The following LMNB1 variants were observed in gnomAD, a reference collection of about 807,000 sequenced individuals.
The protein encoded by LMNB1 is lamin B1, also known as lamin-B1.
A neutral mutation model predicts 67.1 loss-of-function variants in LMNB1; 23 were observed. The ratio of observed to expected loss-of-function variants is 0.34; its 90% CI spans 0.25 to 0.49. The LOEUF (loss-of-function observed/expected upper bound fraction) is 0.49. LMNB1 is among the 20% of genes least tolerant of loss of function. The probability of loss-of-function intolerance (pLI) is 0.99; values close to 1 mark genes in which losing one functional copy is unlikely to be tolerated. For missense variants in LMNB1, 634 were observed against 746.5 expected, an observed-to-expected ratio of 0.85 and a Z score of 1.76; for synonymous variants, 281 against 282.9, an observed-to-expected ratio of 0.99 and a Z score of 0.07.
At position 126,805,555 on chromosome 5, in the gene LMNB1, T is replaced by C. The variant is rs1253119768; in HGVS notation, c.517-16T>C. The C allele has an allele frequency of 8.3e-6, 13 of 1,567,208 alleles. No homozygotes were observed. In the Admixed American group the frequency reaches 2.3e-4, roughly 28 times the overall value. ...TGCCATGTAATTTTTATCACAATTC[T>C]TTTTCCTTGTAATAGTTGGAAGCCT... On this transcript the variant is annotated splice_polypyrimidine_tract_variant and intron_variant, in intron 2 of 10. Coordinates refer to ENST00000261366, the MANE Select transcript of LMNB1 (RefSeq NM_005573.4).
chr5:126,828,981 C>T (rs766434532), intron 9 of LMNB1, among the ~76,000 whole-genome samples: 3 of 152,052 alleles, frequency 2.0e-5, no homozygotes, highest in Non-Finnish European at 2.9e-5. Context: ...TTTCACTAGA[C>T]AGTTACTTTT....
chr5:126,800,333 A>T (rs1010546981), intron 1 of LMNB1, among the ~76,000 whole-genome samples: 1 of 152,160 alleles, frequency 6.6e-6, no homozygotes, highest in African/African-American at 2.4e-5. Context: ...TTTTTCTGCT[A>T]GGAGAGGTAA....
At chr5:126,819,459 ATTATTTATTTATTTAT>A (rs60317211) in intron 6 of LMNB1, among the ~76,000 whole-genome samples, 547 of 142,860 alleles carry the variant, frequency 3.8e-3, no homozygotes, top group Non-Finnish European at 5.0e-3. Context: ...GACTTTACAT[ATTATTTATTTATTTAT>A]TTATTTATTT....
chr5:126,833,394 G>C (rs1001980081), intron 10 of LMNB1, among the ~76,000 whole-genome samples: 1 of 152,174 alleles, frequency 6.6e-6, no homozygotes, highest in Admixed American at 6.5e-5. Context: ...GTTTGAGTCC[G>C]ATCATTAATC....
At chr5:126,806,263 T>G (rs934127605) in intron 3 of LMNB1, among the ~76,000 whole-genome samples, 2 of 152,256 alleles carry the variant, frequency 1.3e-5, no homozygotes, top group Non-Finnish European at 2.9e-5. Context: ...TCACTTCATC[T>G]TAACTTATAA....
chr5:126,802,036 TG>T (rs946125519), intron 1 of LMNB1, among the ~76,000 whole-genome samples: 2 of 152,232 alleles, frequency 1.3e-5, no homozygotes, highest in Non-Finnish European at 2.9e-5. Flanking sequence ...ACCCAGCACT[TG>T]TGTGAACTAG....
chr5:126,784,796 A>G (rs1055899368), intron 1 of LMNB1, among the ~76,000 whole-genome samples: 5 of 150,522 alleles, frequency 3.3e-5, no homozygotes, highest in South Asian at 2.1e-4. Context: ...AGTAACTGGA[A>G]CTACAGGCGC....
At chr5:126,780,164 C>G (rs1750589470) in intron 1 of LMNB1, among the ~76,000 whole-genome samples, 1 of 152,040 alleles carries the variant, frequency 6.6e-6, no homozygotes, top group Non-Finnish European at 1.5e-5. Context: ...GCACTCCAGC[C>G]TGGGTGACAG....
chr5:126,814,663 T>C (rs1472646653), intron 5 of LMNB1, among the ~76,000 whole-genome samples: 3 of 152,058 alleles, frequency 2.0e-5, no homozygotes, highest in Non-Finnish European at 2.9e-5. Flanking sequence ...CTCAGCCTCC[T>C]GAGTAGCTGG....
chr5:126,826,060 G>A lies in LMNB1; in HGVS notation c.1564G>A (p.Gly522Ser). ...CATCTGGAAGAACCAGAACTCGTGG[G>A]GCACTGGCGAAGATGTGAAGGTTAT... The part of the protein sequence containing the change: ...DLIWKNQNSW[G>S]TGEDVKVILK... Residue 522 changes from glycine (G) to serine (S), a missense_variant, in exon 9 of 11, where the codon GGC becomes AGC. Gly to Ser is a moderately conservative substitution (Grantham distance 56, BLOSUM62 0). Coordinates refer to ENST00000261366, the MANE Select transcript of LMNB1 (RefSeq NM_005573.4). 6.2e-7 allele frequency: 1 copy of A among 1,614,050 alleles called. No homozygotes were observed. The highest frequency in any genetic ancestry group is 8.5e-7 in the Non-Finnish European group (1 of 1,179,952).
chr5:126,800,982 A>T (rs373190823), intron 1 of LMNB1, among the ~76,000 whole-genome samples: 114 of 18,594 alleles, frequency 6.1e-3, no homozygotes, highest in Middle Eastern at 0.056. Flanking sequence ...TATATATATA[A>T]TTTTTTTTTT....
chr5:126,798,157 A>ACAAG (rs1751157059), intron 1 of LMNB1, among the ~76,000 whole-genome samples: 1 of 151,392 alleles, frequency 6.6e-6, no homozygotes, highest in African/African-American at 2.4e-5. Context: ...AAACAAACAA[A>ACAAG]CAAACAAACA....
intron 1 of LMNB1, among the ~76,000 whole-genome samples, chr5:126,801,776 TCTC>T (rs1195833166): frequency 6.6e-6 from 1 of 152,246 alleles, no homozygotes; most frequent in Non-Finnish European, 1.5e-5. Context: ...CACAGGTCAT[TCTC>T]CTGCCATGAG....
chr5:126,804,875 T>C lies in LMNB1; in HGVS notation c.459T>C (p.Leu153=). ...AAGATGCAGCTCTTGCTACTGCACT[T>C]GGTGACAAAAAAAGTTTAGAGGGAG... is the stretch of plus-strand genomic sequence containing the variant. The part of the protein sequence containing the change: ...NSKDAALATA[L]GDKKSLEGDL... The change falls in exon 2 of 11, where the codon CTT becomes CTC. Residue 153 remains leucine, a synonymous_variant. Transcript: ENST00000261366. The C allele has an allele frequency of 6.2e-7, 1 of 1,614,036 alleles. No individual in the cohort carries two copies. The highest frequency in any genetic ancestry group is 8.5e-7 in the Non-Finnish European group (1 of 1,179,978).
intron 5 of LMNB1, 141 bp from the exon 6 acceptor site, chr5:126,818,781 C>T: frequency 6.2e-6 from 4 of 649,530 alleles, no homozygotes; most frequent in Non-Finnish European, 8.1e-6. Context: ...GTTTTAATTT[C>T]TTAAAATCTC....
chr5:126,806,080 G>T (rs986944729), intron 3 of LMNB1, among the ~76,000 whole-genome samples: 1 of 151,982 alleles, frequency 6.6e-6, no homozygotes, highest in East Asian at 1.9e-4. Flanking sequence ...TCAGCCTCCC[G>T]AGTAGCTGGA....
At chr5:126,786,858 T>C (rs1428360608) in intron 1 of LMNB1, among the ~76,000 whole-genome samples, 1 of 152,246 alleles carries the variant, frequency 6.6e-6, no homozygotes, top group Non-Finnish European at 1.5e-5. Flanking sequence ...CTTCATTTGC[T>C]AAAGAAAGGT....
intron 1 of LMNB1, among the ~76,000 whole-genome samples, chr5:126,797,936 A>G (rs1232831887): frequency 6.6e-6 from 1 of 152,058 alleles, no homozygotes; most frequent in Non-Finnish European, 1.5e-5. Flanking sequence ...AAATACAGAA[A>G]TTAGCCGGGC....
At chr5:126,799,626 A>G (rs567658904) in intron 1 of LMNB1, among the ~76,000 whole-genome samples, 10 of 152,268 alleles carry the variant, frequency 6.6e-5, no homozygotes, top group Admixed American at 4.6e-4. Flanking sequence ...CTAAAAACGC[A>G]CTTAGTTGGG....
Sources: gnomAD v4.1 joint callset for allele counts (sites outside exome capture counted in the v4.1 genomes callset) on GRCh38, gnomAD v4.1.1 for gene constraint, MANE v1.5 for transcripts, NCBI Gene and HGNC (gene_info 2026-07-23, HGNC 2026-07-21) for gene names.